AGMO: variants seen among roughly 807,000 people sequenced by gnomAD.
The protein encoded by AGMO is alkylglycerol monooxygenase.
Under a neutral mutation model 60.2 loss-of-function variants are expected in AGMO, and 75 were observed. The observed-to-expected ratio is 1.25, with a 90% CI of 1.03 to 1.51. The LOEUF (loss-of-function observed/expected upper bound fraction) is 1.51. AGMO is among the 40% of genes most tolerant of loss of function. The pLI is 0.00. For missense variants in AGMO, 763 were observed against 525.5 expected, an observed-to-expected ratio of 1.45 and a Z score of -4.42; for synonymous variants, 261 against 177.1, an observed-to-expected ratio of 1.47 and a Z score of -3.76.
chr7:15,148,503 G>A, the AGMO span, among the ~76,000 whole-genome samples: 1 of 151,902 alleles, frequency 6.6e-6, no homozygotes, highest in African/African-American at 2.4e-5. Flanking sequence ...CCTCAAGTGG[G>A]CCCTGGAATC....
chr7:15,465,599 A>ATATT (rs1435651725), intron 3 of AGMO, among the ~76,000 whole-genome samples: 1 of 147,088 alleles, frequency 6.8e-6, no homozygotes, highest in Non-Finnish European at 1.5e-5. Context: ...TTATATATAT[A>ATATT]TATTTATATA....
intron 12 of AGMO, among the ~76,000 whole-genome samples, chr7:15,215,919 G>C (rs140828328): frequency 3.4e-3 from 523 of 152,148 alleles, no homozygotes; most frequent in African/African-American, 0.011. Flanking sequence ...TTACATCATG[G>C]TGATACATTT....
At chr7:15,232,789 C>CCACACACACACACA (rs1028271575) in intron 12 of AGMO, among the ~76,000 whole-genome samples, 2 of 88,482 alleles carry the variant, frequency 2.3e-5, no homozygotes, top group Admixed American at 1.4e-4. Flanking sequence ...AACATGGAAA[C>CCACACACACACACA]CACACACACA....
At position 15,561,948 on chromosome 7, in the gene AGMO, T is replaced by G. The variant is rs1290141267; in HGVS notation, c.-103A>C. ...AGATGTGCAGCTCAGAACAAGCTCTTTGTCAGAGAACAGCTAAAACCAAAG... is the reference window on the plus strand; with the variant it reads ...AGATGTGCAGCTCAGAACAAGCTCTGTGTCAGAGAACAGCTAAAACCAAAG... On this transcript the variant is annotated 5_prime_UTR_variant, in exon 1 of 13. Transcript: ENST00000342526. 7 of 1,272,252 alleles carry G rather than the reference T, an allele frequency of 5.5e-6. No individual in the cohort carries two copies. In the East Asian group the frequency reaches 1.8e-4, roughly 32 times the overall value. The allele number at this position is 1,272,252 out of a possible 1,614,324, so 78.8% of individuals were successfully genotyped here.
intron 12 of AGMO, among the ~76,000 whole-genome samples, chr7:15,275,523 G>C (rs952829627): frequency 3.9e-5 from 6 of 152,056 alleles, no homozygotes; most frequent in African/African-American, 1.2e-4. Context: ...ATATTCTGTA[G>C]TTGTTGGAAA....
chr7:15,214,132 A>G (rs768874091), intron 12 of AGMO, among the ~76,000 whole-genome samples: 151 of 152,054 alleles, frequency 9.9e-4, no homozygotes, highest in Admixed American at 1.2e-3. Context: ...AGAAATTACT[A>G]GAATTTCTAA....
At chr7:15,394,282 G>A (rs553559298) in intron 5 of AGMO, 103 bp from the exon 6 acceptor site, 19 of 884,642 alleles carry the variant, frequency 2.1e-5, no homozygotes, top group Middle Eastern at 5.5e-4. Flanking sequence ...GAGATATTGC[G>A]AATTTCAGGG....
At chr7:15,354,446 G>A (rs545025745) in intron 12 of AGMO, among the ~76,000 whole-genome samples, 6 of 19,612 alleles carry the variant, frequency 3.1e-4, no homozygotes, top group Non-Finnish European at 4.9e-4. Context: ...GTATACACAC[G>A]TGTGTGTATA....
the AGMO span, among the ~76,000 whole-genome samples, chr7:15,191,396 G>A: frequency 2.0e-5 from 3 of 152,202 alleles, no homozygotes; most frequent in Non-Finnish European, 4.4e-5. Context: ...ATACCAGAAC[G>A]TATCTCTGAG....
chr7:15,222,235 G>T (rs111700599), intron 12 of AGMO, among the ~76,000 whole-genome samples: 115 of 151,910 alleles, frequency 7.6e-4, no homozygotes, highest in African/African-American at 2.6e-3. Context: ...TTTTGGTCTA[G>T]GTATTAGAAT....
chr7:15,325,432 T>C (rs1252332733), intron 12 of AGMO, among the ~76,000 whole-genome samples: 1 of 146,980 alleles, frequency 6.8e-6, no homozygotes, highest in Non-Finnish European at 1.5e-5. Flanking sequence ...CAGATTAAGA[T>C]TAACCTTAAA....
At chr7:15,423,442 C>T (rs552205838) in intron 4 of AGMO, among the ~76,000 whole-genome samples, 24 of 141,404 alleles carry the variant, frequency 1.7e-4, no homozygotes, top group African/African-American at 6.2e-4. Flanking sequence ...CATTTCTATG[C>T]ACTTAACCAT....
At chr7:15,417,140 C>T (rs1217386998) in intron 5 of AGMO, among the ~76,000 whole-genome samples, 1 of 152,160 alleles carries the variant, frequency 6.6e-6, no homozygotes, top group South Asian at 2.1e-4. Context: ...TGTGTTCTTG[C>T]TTCCCATGCA....
chr7:15,370,768 C>G (rs532110635), intron 10 of AGMO, among the ~76,000 whole-genome samples: 1 of 151,856 alleles, frequency 6.6e-6, no homozygotes, highest in Non-Finnish European at 1.5e-5. Context: ...TGGTTAAGTT[C>G]CTTATAGATT....
intron 5 of AGMO, among the ~76,000 whole-genome samples, chr7:15,400,730 A>G (rs1784530127): frequency 6.6e-6 from 1 of 152,180 alleles, no homozygotes; most frequent in African/African-American, 2.4e-5. Context: ...CAAACAAACA[A>G]ATAAACAAAA....
chr7:15,376,612 A>G (rs1170410461), intron 10 of AGMO, among the ~76,000 whole-genome samples: 3 of 152,104 alleles, frequency 2.0e-5, no homozygotes, highest in African/African-American at 7.2e-5. Flanking sequence ...ATATCCTATT[A>G]TAAGACCTTA....
chr7:15,293,699 C>T (rs931056087), intron 12 of AGMO, among the ~76,000 whole-genome samples: 3 of 152,162 alleles, frequency 2.0e-5, no homozygotes, highest in East Asian at 3.9e-4. Context: ...ATAATGTAAA[C>T]TACGCCTAAT....
At chr7:15,285,848 G>T (rs138290046) in intron 12 of AGMO, among the ~76,000 whole-genome samples, 2 of 152,060 alleles carry the variant, frequency 1.3e-5, no homozygotes, top group Non-Finnish European at 2.9e-5. Context: ...TACCAAAACA[G>T]CATGACACTG....
intron 10 of AGMO, among the ~76,000 whole-genome samples, chr7:15,371,529 T>C (rs1469916473): frequency 2.0e-5 from 3 of 152,190 alleles, no homozygotes; most frequent in Non-Finnish European, 4.4e-5. Flanking sequence ...TAGCTGGGAT[T>C]ACAGGCACCT....
Sources: gnomAD v4.1 joint callset for allele counts (sites outside exome capture counted in the v4.1 genomes callset) on GRCh38, gnomAD v4.1.1 for gene constraint, MANE v1.5 for transcripts, NCBI Gene and HGNC (gene_info 2026-07-23, HGNC 2026-07-21) for gene names.